Variants in MARK2 observed in about 807,000 individuals in gnomAD.
The protein encoded by MARK2 is serine/threonine-protein kinase MARK2.
Under a neutral mutation model 89.8 loss-of-function variants are expected in MARK2, and 16 were observed. The ratio of observed to expected loss-of-function variants is 0.18; its 90% CI spans 0.12 to 0.27. MARK2 has a LOEUF of 0.27. Among genes scored for constraint, MARK2 ranks in the 10% least tolerant of loss-of-function variants. The pLI is 1.00. For missense variants in MARK2, 621 were observed against 1,049.9 expected, an observed-to-expected ratio of 0.59 and a Z score of 5.65; for synonymous variants, 382 against 399.5, an observed-to-expected ratio of 0.96 and a Z score of 0.52.
chr11:63,860,560 AT>A (rs374253847), intron 1 of MARK2, among the ~76,000 whole-genome samples: 10 of 146,436 alleles, frequency 6.8e-5, no homozygotes, highest in Non-Finnish European at 4.5e-5. Context: ...AAAAAAAAAA[AT>A]AAATAGAAAT....
intron 1 of MARK2, among the ~76,000 whole-genome samples, chr11:63,885,998 G>A (rs569582419): frequency 1.7e-4 from 25 of 149,290 alleles, no homozygotes; most frequent in African/African-American, 5.4e-4. Flanking sequence ...GTGTGGTGGC[G>A]GGCGCCTGTA....
chr11:63,890,311 A>G lies in MARK2; in HGVS notation c.55-4848A>G, dbSNP rs182727165. The G allele has an allele frequency of 9.0e-5, 120 of 1,335,274 alleles. 1 individual carries two copies. In the East Asian group the frequency reaches 4.4e-3, roughly 49 times the overall value. 82.7% of individuals were successfully genotyped at this position (1,335,274 alleles called of 1,614,324 possible). ...GGGTGCAGGGGTAAGTAAGGGAAGG[A>G]TTGAGCACTTGGAGTCCTCTGAGTT... On this transcript the variant is annotated intron_variant, in intron 1 of 18. Coordinates refer to ENST00000402010, the MANE Select transcript of MARK2 (RefSeq NM_001039469.3).
At chr11:63,880,431 A>G (rs1423937416) in intron 1 of MARK2, among the ~76,000 whole-genome samples, 1 of 152,180 alleles carries the variant, frequency 6.6e-6, no homozygotes, top group African/African-American at 2.4e-5. Context: ...AGTAACAAAT[A>G]TCAAAGCAGA....
Position 63,900,118 on chromosome 11 carries a change from G to C in MARK2, c.768+8G>C. The C allele has an allele frequency of 6.3e-7, 1 of 1,593,628 alleles. No individual in the cohort carries two copies. The highest frequency in any genetic ancestry group is 8.6e-7 in the Non-Finnish European group (1 of 1,161,284). ...GATGGACAGAACCTCAAGGTGGAGT[G>C]AAGTGCAAGCTTTTTATTGCTTCTC... On this transcript the variant is annotated splice_region_variant and intron_variant, in intron 8 of 18. Transcript: ENST00000402010. The surrounding 1 kb of genome is among the most constrained non-coding windows in gnomAD (Gnocchi z 4.7).
chr11:63,861,310 T>C (rs140706868), intron 1 of MARK2, among the ~76,000 whole-genome samples: 4,655 of 151,862 alleles, frequency 0.031, 105 homozygotes, highest in Non-Finnish European at 0.047. Context: ...GTGGTGGGCG[T>C]CTGTAATCCC....
chr11:63,909,309 TG>T lies in MARK2; in HGVS notation c.*75del. 7.0e-7 allele frequency: 1 copy of T among 1,432,516 alleles called. No individual in the cohort carries two copies. The highest frequency in any genetic ancestry group is 9.3e-7 in the Non-Finnish European group (1 of 1,078,814). The allele number at this position is 1,432,516 out of a possible 1,614,324, so 88.7% of individuals were successfully genotyped here. ...CTGCCGGCCGCTGCGCCGCCCCACC[TG>T]GGCGAGACTGCAGCGATGGATTGGT... On this transcript the variant is annotated 3_prime_UTR_variant, in exon 19 of 19. Coordinates refer to ENST00000402010, the MANE Select transcript of MARK2 (RefSeq NM_001039469.3).
chr11:63,906,652 G>A (rs376058950), intron 17 of MARK2, among the ~76,000 whole-genome samples: 1 of 152,010 alleles, frequency 6.6e-6, no homozygotes, highest in Non-Finnish European at 1.5e-5. Flanking sequence ...AGAGCTATGT[G>A]ACCTCTTCCC....
chr11:63,899,560 C>G (rs1463737520), intron 7 of MARK2, among the ~76,000 whole-genome samples: 2 of 152,218 alleles, frequency 1.3e-5, no homozygotes, highest in African/African-American at 4.8e-5. Context: ...ACCTGTGGGT[C>G]TCTTGGCTGC....
At chr11:63,905,886 C>G (rs1228851115) in intron 16 of MARK2, among the ~76,000 whole-genome samples, 1 of 152,186 alleles carries the variant, frequency 6.6e-6, no homozygotes, top group Non-Finnish European at 1.5e-5. Context: ...ATCCGAGCCC[C>G]AGAATGCAAG....
intron 1 of MARK2, among the ~76,000 whole-genome samples, chr11:63,849,794 A>G (rs1047285005): frequency 1.3e-5 from 2 of 152,204 alleles, no homozygotes; most frequent in African/African-American, 2.4e-5. Flanking sequence ...GATTTCCTGT[A>G]TTGGAATCCT....
rs753363995 is a variant in MARK2 at position 63,895,618 on chromosome 11, C to T, written c.273C>T (p.Ser91=). The change falls in exon 3 of 19, where the codon TCC becomes TCT. Residue 91 remains serine (S), a synonymous_variant. Transcript: ENST00000402010. ...TCATTGACAAGACTCAACTGAACTCCTCCAGCCTCCAGAAAGTAAGCACAT... is the reference window on the plus strand; with the variant it reads ...TCATTGACAAGACTCAACTGAACTCTTCCAGCCTCCAGAAAGTAAGCACAT... The part of the protein sequence containing the change: ...VKIIDKTQLN[S]SSLQKLFREV... The T allele has an allele frequency of 4.6e-5, 74 of 1,612,026 alleles. No homozygotes were observed. Among genetic ancestry groups the T allele is most frequent in the Non-Finnish European group, 5.9e-5 (70 of 1,179,628 alleles).
At chr11:63,854,478 C>T (rs1450509026) in intron 1 of MARK2, among the ~76,000 whole-genome samples, 1 of 147,184 alleles carries the variant, frequency 6.8e-6, no homozygotes, top group Non-Finnish European at 1.5e-5. Flanking sequence ...CAGCCTCCCA[C>T]AGTGCTGGGA....
At chr11:63,873,270 C>A (rs1341415232) in intron 1 of MARK2, among the ~76,000 whole-genome samples, 1 of 152,120 alleles carries the variant, frequency 6.6e-6, no homozygotes, top group Non-Finnish European at 1.5e-5. Context: ...AGTACAATAT[C>A]CCTTTTTTCC....
intron 1 of MARK2, 125 bp downstream of exon 1, chr11:63,839,685 C>G: frequency 1.5e-6 from 1 of 674,216 alleles, no homozygotes; most frequent in Admixed American, 2.9e-5. Flanking sequence ...GCCCTGTCAT[C>G]CGGCTCCTGG....
chr11:63,897,763 C>A (rs1397117473), intron 3 of MARK2, among the ~76,000 whole-genome samples: 1 of 152,202 alleles, frequency 6.6e-6, no homozygotes, highest in African/African-American at 2.4e-5. Context: ...AAAGGCCTAT[C>A]CCCTAGAACA....
intron 1 of MARK2, among the ~76,000 whole-genome samples, chr11:63,863,067 G>A (rs535639191): frequency 3.3e-5 from 5 of 152,306 alleles, no homozygotes; most frequent in African/African-American, 1.2e-4. Context: ...GGCCTTGTGT[G>A]TGTTTAGGAC....
At position 63,899,960 on chromosome 11, in the gene MARK2, G is replaced by A; in HGVS notation, c.618G>A (p.Leu206=). ...ATGAATTCACCTTTGGGAACAAGCT[G>A]GACACCTTCTGTGGCAGTCCCCCTT... The part of the protein sequence containing the change: ...FSNEFTFGNK[L]DTFCGSPPYA... The change falls in exon 8 of 19, where the codon CTG becomes CTA. Residue 206 remains leucine (L), a synonymous_variant. Coordinates refer to ENST00000402010, the MANE Select transcript of MARK2 (RefSeq NM_001039469.3). 6.2e-7 allele frequency: 1 copy of A among 1,614,140 alleles called. No homozygotes were observed.
Position 63,904,272 on chromosome 11 carries a change from G to A in MARK2, c.1676+125G>A. On this transcript the variant is annotated intron_variant, in intron 15 of 18. Coordinates refer to ENST00000402010, the MANE Select transcript of MARK2 (RefSeq NM_001039469.3). The surrounding 1 kb of genome is among the most constrained non-coding windows in gnomAD (Gnocchi z 6.3). ...CTTGTCATCTTAGCCACAAGAAATG[G>A]GTCTGTCCCCTGCGGCCAGGAAGTG... 1.2e-6 allele frequency: 1 copy of A among 840,682 alleles called. No homozygotes were observed. 52.1% of individuals were successfully genotyped at this position (840,682 alleles called of 1,614,324 possible).
At chr11:63,856,760 T>A (rs552672422) in intron 1 of MARK2, among the ~76,000 whole-genome samples, 22 of 142,414 alleles carry the variant, frequency 1.5e-4, no homozygotes, top group Admixed American at 1.5e-3. Flanking sequence ...CATTTTTAAA[T>A]TTTTCATGTT....
Sources: allele counts gnomAD v4.1 joint callset (sites outside exome capture counted in the v4.1 genomes callset), GRCh38; gene constraint gnomAD v4.1.1; non-coding constraint Gnocchi (gnomAD v3.1); transcripts MANE v1.5; gene names NCBI Gene and HGNC (gene_info 2026-07-23, HGNC 2026-07-21).